Variants in PDE1B observed in about 807,000 individuals in gnomAD.
PDE1B encodes the protein dual specificity calcium/calmodulin-dependent 3',5'-cyclic nucleotide phosphodiesterase 1B.
PDE1B carries 13 observed loss-of-function variants against 66.7 expected under a neutral mutation model. The observed-to-expected ratio is 0.19, with a 90% CI of 0.13 to 0.31. The LOEUF (loss-of-function observed/expected upper bound fraction) is 0.31, where lower values mean the gene tolerates loss of function less well. Among genes scored for constraint, PDE1B ranks in the 10% least tolerant of loss-of-function variants. The pLI, the probability that PDE1B is intolerant of heterozygous loss-of-function variation, is 1.00. For synonymous variants in PDE1B, 230 were observed against 253.9 expected (o/e 0.91, Z 0.90); for missense variants, 485 against 682.3 (o/e 0.71, Z 3.22).
At position 54,572,645 on chromosome 12, in the gene PDE1B, A is replaced by G; in HGVS notation, c.639A>G (p.Thr213=). 6.2e-7 allele frequency: 1 copy of G among 1,613,954 alleles called. No individual in the cohort carries two copies. Among genetic ancestry groups the G allele is most frequent in the Middle Eastern group, 1.7e-4 (1 of 6,058 alleles). ...TGAGTTTCCTGGATGCCTTGGAGAC[A>G]GGCTATGGGAAGTACAAGAATCCTT... ...FLMSFLDALE[T]GYGKYKNPYH... is the part of the protein sequence containing the mutation. Residue 213 remains threonine (T), a synonymous_variant, in exon 7 of 16, where the codon ACA becomes ACG. Coordinates refer to ENST00000243052, the MANE Select transcript of PDE1B (RefSeq NM_000924.4).
chr12:54,558,358 G>A (rs1162204232), intron 2 of PDE1B, among the ~76,000 whole-genome samples: 3 of 111,224 alleles, frequency 2.7e-5, no homozygotes, highest in Non-Finnish European at 5.5e-5. Flanking sequence ...ACCCCCACCC[G>A]TAGCTCCTCT....
intron 2 of PDE1B, 165 bp downstream of exon 2, chr12:54,550,150 T>G: frequency 7.0e-7 from 1 of 1,434,246 alleles, no homozygotes. Flanking sequence ...AGGCCACATG[T>G]GCAAGGCATG....
Position 54,570,659 on chromosome 12 carries a change from G to C in PDE1B, c.594+302G>C, listed in dbSNP as rs376973242. 1.4e-3 allele frequency: 432 copies of C among 310,450 alleles called. 12 individuals carry two copies. In the South Asian group the frequency reaches 0.018, roughly 13 times the overall value. The allele number at this position is 310,450 out of a possible 1,614,324, so 19.2% of individuals were successfully genotyped here. A position where few individuals can be genotyped will look rare whatever the true frequency, so the allele number is the denominator to read the frequency against. On this transcript the variant is annotated intron_variant, in intron 6 of 15. Coordinates refer to ENST00000243052, the MANE Select transcript of PDE1B (RefSeq NM_000924.4). Reference sequence around the variant, plus strand: ...CCTCTCTAGGCTGACTTGCAGTGTGGACACTGGAGGCCTGGAGTTCAGATG... The same window carrying C: ...CCTCTCTAGGCTGACTTGCAGTGTGCACACTGGAGGCCTGGAGTTCAGATG...
At chr12:54,577,007 A>T in intron 14 of PDE1B, 1 of 610,132 alleles carries the variant, frequency 1.6e-6, no homozygotes, top group Non-Finnish European at 2.9e-6. Context: ...CCTGGCTGGG[A>T]AATCTCTTCC....
chr12:54,554,967 A>G (rs1438013205), intron 2 of PDE1B, among the ~76,000 whole-genome samples: 1 of 152,162 alleles, frequency 6.6e-6, no homozygotes, highest in African/African-American at 2.4e-5. Context: ...AGAGGTAGGA[A>G]TATGAATTAC....
rs530376605 is a variant in PDE1B at position 54,550,787 on chromosome 12, G to A, written c.113+802G>A. Among the ~76,000 whole-genome samples, 7 of 152,306 alleles carry A rather than the reference G, an allele frequency of 4.6e-5. No individual in the cohort carries two copies. In the South Asian group the frequency reaches 1.4e-3, roughly 32 times the overall value. ...ATTGTTGCAGTACCAGGGCATGTGG[G>A]GAGGAATAAATGGGGGAAGGAAGAA... is the stretch of plus-strand genomic sequence containing the variant. On this transcript the variant is annotated intron_variant, in intron 2 of 15. Transcript: ENST00000243052.
chr12:54,549,971 T>A lies in PDE1B; in HGVS notation c.99T>A (p.Ile33=), dbSNP rs140895636. Reference sequence around the variant, plus strand: ...CAGCCCCCAGCAAGAAGATGTGGATTAAGCTTCGGTCTCTGTAAGTCCCCG... The same window carrying A: ...CAGCCCCCAGCAAGAAGATGTGGATAAAGCTTCGGTCTCTGTAAGTCCCCG... ...LKSAPSKKMW[I]KLRSLLRYMV... is the part of the protein sequence containing the mutation. The change falls in exon 2 of 16, where the codon ATT becomes ATA. Residue 33 remains isoleucine (I), a synonymous_variant. Transcript: ENST00000243052. The A allele has an allele frequency of 2.5e-6, 4 of 1,613,700 alleles. No homozygotes were observed. The African/African-American group carries it at 4.0e-5, about 16-fold the overall frequency.
At chr12:54,577,395 A>G (rs764993939) in intron 15 of PDE1B, 50 bp downstream of exon 15, 3 of 1,608,866 alleles carry the variant, frequency 1.9e-6, no homozygotes, top group Non-Finnish European at 2.5e-6. Context: ...CTATCATGGC[A>G]TCTTTGTTGG....
intron 2 of PDE1B, among the ~76,000 whole-genome samples, chr12:54,556,569 C>G (rs921958707): frequency 2.0e-5 from 3 of 152,158 alleles, no homozygotes; most frequent in African/African-American, 4.8e-5. Context: ...CTTCAGCACT[C>G]AGACCTGGCA....
In PDE1B at chr12:54,569,465, G is replaced by A; in HGVS notation, c.411-81G>A. On this transcript the variant is annotated intron_variant, in intron 4 of 15. Transcript: ENST00000243052. The surrounding 1 kb of genome is among the most constrained non-coding windows in gnomAD (Gnocchi z 4.4). ...TGACCACCAGCCATATGATCCCATG[G>A]CTCATCCCCACATCCCCAGCTGGCC... The A allele has an allele frequency of 6.3e-7, 1 of 1,590,488 alleles. No individual in the cohort carries two copies. The highest frequency in any genetic ancestry group is 1.1e-5 in the South Asian group (1 of 89,650).
intron 2 of PDE1B, among the ~76,000 whole-genome samples, chr12:54,551,603 T>A (rs1182017357): frequency 6.6e-6 from 1 of 152,170 alleles, no homozygotes; most frequent in East Asian, 1.9e-4. Context: ...CCCCTAACAC[T>A]AGTGGCTCAT....
At chr12:54,566,090 G>T (rs373435219) in intron 2 of PDE1B, among the ~76,000 whole-genome samples, 134 of 152,344 alleles carry the variant, frequency 8.8e-4, no homozygotes, top group African/African-American at 3.1e-3. Flanking sequence ...CTTTGTGACT[G>T]CCTGGGCTGA....
intron 2 of PDE1B, among the ~76,000 whole-genome samples, chr12:54,551,405 A>C (rs540476660): frequency 6.6e-6 from 1 of 152,318 alleles, no homozygotes; most frequent in East Asian, 1.9e-4. Flanking sequence ...CAGCCTTGGA[A>C]TGAGTTCTGG....
chr12:54,553,412 C>T (rs955760431), intron 2 of PDE1B, among the ~76,000 whole-genome samples: 2 of 152,152 alleles, frequency 1.3e-5, no homozygotes, highest in Non-Finnish European at 2.9e-5. Flanking sequence ...ACATGGTACG[C>T]ACTCGGGACC....
chr12:54,563,124 T>C (rs1267007791), intron 2 of PDE1B, among the ~76,000 whole-genome samples: 1 of 152,242 alleles, frequency 6.6e-6, no homozygotes, highest in Non-Finnish European at 1.5e-5. Flanking sequence ...ACTGAGCATG[T>C]TCTGTGTGCT....
At chr12:54,567,131 T>TA (rs1565698492) in intron 3 of PDE1B, 44 bp downstream of exon 3, 2 of 1,030,162 alleles carry the variant, frequency 1.9e-6, no homozygotes, top group Admixed American at 3.9e-5. Flanking sequence ...ATGTCAGACA[T>TA]AGTGTTCCAG....
rs1244423780 is a variant in PDE1B, at chr12:54,549,659, T to C, written c.-127T>C. On this transcript the variant is annotated 5_prime_UTR_variant, in exon 1 of 16. Coordinates refer to ENST00000243052, the MANE Select transcript of PDE1B (RefSeq NM_000924.4). ...CAGCGGCGGTGCGGAGAGCTTGGAC[T>C]GGGAGCCCAAAGCTCGGCTGGGCAG... 8.1e-6 allele frequency: 4 copies of C among 492,488 alleles called. No individual in the cohort carries two copies. Among genetic ancestry groups the C allele is most frequent in the Non-Finnish European group, 1.4e-5 (4 of 278,906 alleles). 30.5% of individuals were successfully genotyped at this position (492,488 alleles called of 1,614,324 possible).
chr12:54,571,071 G>A (rs74752767), intron 6 of PDE1B: 3,010 of 152,392 alleles, frequency 0.02, 97 homozygotes, highest in African/African-American at 0.069. Flanking sequence ...AGCAGTAGAT[G>A]TTAAAGGTGA....
At chr12:54,567,222 G>T in intron 3 of PDE1B, 135 bp downstream of exon 3, 1 of 538,248 alleles carries the variant, frequency 1.9e-6, no homozygotes. Context: ...CAGATATAAA[G>T]AGCTCTAGGT....
Sources: gnomAD v4.1 joint callset for allele counts (sites outside exome capture counted in the v4.1 genomes callset) on GRCh38, gnomAD v4.1.1 for gene constraint, Gnocchi (gnomAD v3.1) non-coding constraint, MANE v1.5 for transcripts, NCBI Gene and HGNC (gene_info 2026-07-23, HGNC 2026-07-21) for gene names.